The following ERBIN variants were observed in gnomAD, a reference collection of about 807,000 sequenced individuals.
The protein encoded by ERBIN is erbb2 interacting protein, also known as densin-180-like protein.
Under a neutral mutation model 158.4 loss-of-function variants are expected in ERBIN, and 60 were observed. The observed-to-expected ratio is 0.38, with a 90% CI of 0.31 to 0.47. ERBIN has a LOEUF of 0.47. Among genes scored for constraint, ERBIN ranks in the 20% least tolerant of loss-of-function variants. ERBIN has a pLI of 0.99. For synonymous variants in ERBIN, 594 were observed against 557.2 expected (o/e 1.07, Z -0.93); for missense variants, 1,610 against 1,648.0 (o/e 0.98, Z 0.40).
intron 13 of ERBIN, among the ~76,000 whole-genome samples, chr5:66,027,760 T>C (rs1273794577): frequency 2.0e-5 from 3 of 152,038 alleles, no homozygotes; most frequent in Non-Finnish European, 4.4e-5. Context: ...CTGGGACCAG[T>C]CTTCCACAGA....
At chr5:65,999,726 A>T (rs16894701) in intron 4 of ERBIN, among the ~76,000 whole-genome samples, 6,106 of 152,066 alleles carry the variant, frequency 0.04, 412 homozygotes, top group African/African-American at 0.14. Flanking sequence ...TTGTGTGACT[A>T]TTCCTCTCAT....
chr5:65,980,771 T>C (rs1392905404), intron 1 of ERBIN, among the ~76,000 whole-genome samples: 1 of 151,468 alleles, frequency 6.6e-6, no homozygotes, highest in Non-Finnish European at 1.5e-5. Context: ...CAAGAAGATA[T>C]GAGCCCTAAA....
At chr5:66,026,096 A>G in intron 12 of ERBIN, 119 bp downstream of exon 12, 7 of 934,598 alleles carry the variant, frequency 7.5e-6, no homozygotes, top group Non-Finnish European at 1.1e-5. Flanking sequence ...CAAGTTATTT[A>G]TTTTCTGAAT....
chr5:66,028,304 G>T lies in ERBIN; in HGVS notation c.1167G>T (p.Lys389Asn). ...RLKNLPFSFT[K>N]LQQLTAMWLS... ...AGAATTTACCCTTTAGCTTTACAAA[G>T]CTACAGCAATTGACAGCTATGTGGC... Residue 389 changes from lysine (K) to asparagine (N), a missense_variant, in exon 14 of 26, where the codon AAG becomes AAT. Physicochemically the swap from Lys to Asn is moderately conservative, Grantham distance 94 (BLOSUM62 0). This residue lies in a region of ERBIN where 596 missense variants were observed against 711.9 expected (regional missense o/e 0.84). Transcript: ENST00000284037. The T allele has an allele frequency of 6.2e-7, 1 of 1,612,196 alleles. No individual in the cohort carries two copies. Among genetic ancestry groups the T allele is most frequent in the East Asian group, 2.2e-5 (1 of 44,716 alleles).
Position 66,050,883 on chromosome 5 carries a change from T to C in ERBIN, c.2004T>C (p.Val668=). 1 of 1,605,736 alleles carries C rather than the reference T, an allele frequency of 6.2e-7. No homozygotes were observed. The highest frequency in any genetic ancestry group is 1.7e-5 in the Admixed American group (1 of 58,458). ...CSSPSRMSDS[V]SLNTDSSQDT... ...CTCCATCTCGGATGTCTGATTCAGT[T>C]TCTCTTAATACTGATAGTAGTCAAG... The change falls in exon 20 of 26, where the codon GTT becomes GTC. Residue 668 remains valine, a synonymous_variant. Coordinates refer to ENST00000284037, the MANE Select transcript of ERBIN (RefSeq NM_001253697.2).
intron 1 of ERBIN, among the ~76,000 whole-genome samples, chr5:65,944,050 G>A (rs1222966025): frequency 1.3e-5 from 2 of 152,154 alleles, no homozygotes; most frequent in Non-Finnish European, 2.9e-5. Context: ...TCATCTGTGG[G>A]TAGACACTGG....
chr5:66,047,300 C>G (rs1177712011), intron 18 of ERBIN, among the ~76,000 whole-genome samples: 1 of 152,060 alleles, frequency 6.6e-6, no homozygotes, highest in Non-Finnish European at 1.5e-5. Context: ...TAGCATATAT[C>G]AACACAGCAT....
chr5:66,030,616 A>G (rs1220367780), intron 14 of ERBIN, among the ~76,000 whole-genome samples: 1 of 146,010 alleles, frequency 6.8e-6, no homozygotes, highest in Non-Finnish European at 1.5e-5. Context: ...AGGCTGGAAT[A>G]CAGTGGTATA....
At chr5:65,930,140 C>G (rs180989114) in intron 1 of ERBIN, among the ~76,000 whole-genome samples, 1 of 152,302 alleles carries the variant, frequency 6.6e-6, no homozygotes, top group Admixed American at 6.5e-5. Context: ...CCATTTCCCT[C>G]TTTTCCAAAC....
At chr5:66,029,016 T>C (rs1055698378) in intron 14 of ERBIN, among the ~76,000 whole-genome samples, 1 of 152,218 alleles carries the variant, frequency 6.6e-6, no homozygotes, top group African/African-American at 2.4e-5. Context: ...TGTGATTGTA[T>C]GTGTATTTGT....
chr5:66,061,211 T>C (rs183275162), intron 21 of ERBIN, among the ~76,000 whole-genome samples: 50 of 152,352 alleles, frequency 3.3e-4, no homozygotes, highest in Non-Finnish European at 5.1e-4. Flanking sequence ...AGGACTTGCT[T>C]TATGAATCTG....
chr5:66,048,468 A>G (rs1208096297), intron 18 of ERBIN, among the ~76,000 whole-genome samples, 199 bp from the exon 19 acceptor site: 1 of 151,968 alleles, frequency 6.6e-6, no homozygotes. Flanking sequence ...GATTAGGATA[A>G]TGGTGCCATG....
At chr5:66,040,326 C>T (rs559385955) in intron 15 of ERBIN, among the ~76,000 whole-genome samples, 1 of 151,976 alleles carries the variant, frequency 6.6e-6, no homozygotes, top group South Asian at 2.1e-4. Flanking sequence ...TCAAATCTAC[C>T]TTGCCTTCTT....
At chr5:66,063,972 T>G (rs1174739490) in intron 21 of ERBIN, among the ~76,000 whole-genome samples, 2 of 152,192 alleles carry the variant, frequency 1.3e-5, no homozygotes, top group African/African-American at 4.8e-5. Flanking sequence ...CTTCAGAAAA[T>G]ATAGTTCAGA....
At chr5:66,019,145 C>CT (rs1755416296) in intron 7 of ERBIN, among the ~76,000 whole-genome samples, 1 of 152,062 alleles carries the variant, frequency 6.6e-6, no homozygotes, top group African/African-American at 2.4e-5. Flanking sequence ...GTGAACAAGA[C>CT]TAATTTTGAC....
Position 65,972,265 on chromosome 5 carries a change from T to C in ERBIN, c.-57-16370T>C, listed in dbSNP as rs143816925. Among the ~76,000 whole-genome samples, 8 of 152,302 alleles carry C rather than the reference T, an allele frequency of 5.3e-5. No individual in the cohort carries two copies. The East Asian group carries it at 1.5e-3, about 29-fold the overall frequency. Reference sequence around the variant, plus strand: ...CATATGTATATAAGTGTTTTCTCAATAGGTATATTGACAGTGGACTTACTA... The same window carrying C: ...CATATGTATATAAGTGTTTTCTCAACAGGTATATTGACAGTGGACTTACTA... On this transcript the variant is annotated intron_variant, in intron 1 of 25. Transcript: ENST00000284037.
chr5:65,936,184 A>C (rs1744064050), intron 1 of ERBIN, among the ~76,000 whole-genome samples: 1 of 152,148 alleles, frequency 6.6e-6, no homozygotes, highest in East Asian at 1.9e-4. Flanking sequence ...AGAGGAGGGT[A>C]TGTTTGTAGT....
intron 3 of ERBIN, among the ~76,000 whole-genome samples, chr5:65,994,349 TTA>T (rs1231384138): frequency 3.3e-5 from 5 of 152,190 alleles, no homozygotes; most frequent in Admixed American, 3.3e-4. Flanking sequence ...ACTGAATCAT[TTA>T]TGTCTTATCA....
intron 1 of ERBIN, among the ~76,000 whole-genome samples, chr5:65,949,158 CCTTT>C (rs1410701793): frequency 6.6e-6 from 1 of 151,908 alleles, no homozygotes; most frequent in Non-Finnish European, 1.5e-5. Context: ...CGTAGAAGTC[CCTTT>C]CTTCTCCACA....
Sources: allele counts gnomAD v4.1 joint callset (sites outside exome capture counted in the v4.1 genomes callset), GRCh38; gene constraint gnomAD v4.1.1; regional missense constraint gnomAD v4.1.1; transcripts MANE v1.5; gene names NCBI Gene and HGNC (gene_info 2026-07-23, HGNC 2026-07-21).